The following MMRN1 variants were observed in gnomAD, a reference collection of about 807,000 sequenced individuals.
The protein encoded by MMRN1 is multimerin-1.
In MMRN1, 94 loss-of-function variants were observed where a neutral mutation model predicts 100.7. That is an observed-to-expected ratio of 0.93 (90% CI 0.79 to 1.11). MMRN1 has a LOEUF of 1.11. Among genes scored for constraint, MMRN1 ranks in the 50% least tolerant of loss-of-function variants. MMRN1 has a pLI of 0.00. For missense variants in MMRN1, 1,606 were observed against 1,439.1 expected, an observed-to-expected ratio of 1.12 and a Z score of -1.88; for synonymous variants, 575 against 505.0, an observed-to-expected ratio of 1.14 and a Z score of -1.86.
At chr4:89,897,533 A>G (rs1721247878) in intron 1 of MMRN1, among the ~76,000 whole-genome samples, 1 of 152,164 alleles carries the variant, frequency 6.6e-6, no homozygotes. Context: ...AAAGGGAAAT[A>G]TAATAAACAG....
At chr4:89,906,866 T>C (rs890668828) in intron 1 of MMRN1, among the ~76,000 whole-genome samples, 1 of 151,394 alleles carries the variant, frequency 6.6e-6, no homozygotes, top group Non-Finnish European at 1.5e-5. Context: ...TCAACTATTT[T>C]AGTCATGAGA....
At position 89,936,043 on chromosome 4, in the gene MMRN1, C is replaced by T; in HGVS notation, c.2363C>T (p.Thr788Ile). 1 of 1,612,322 alleles carries T rather than the reference C, an allele frequency of 6.2e-7. No individual in the cohort carries two copies. Among genetic ancestry groups the T allele is most frequent in the Non-Finnish European group, 8.5e-7 (1 of 1,179,358 alleles). ...CACCGTCTGAATGATTCTATTCAGACTTTGGTCAATGACAATCAGAGATAT... is the reference window on the plus strand; with the variant it reads ...CACCGTCTGAATGATTCTATTCAGATTTTGGTCAATGACAATCAGAGATAT... ...QFHRLNDSIQ[T>I]LVNDNQRYNF... The change falls in exon 6 of 8, where the codon ACT becomes ATT. Residue 788 changes from threonine to isoleucine, a missense_variant. Transcript: ENST00000264790.
Position 89,909,298 on chromosome 4 carries a change from A to G in MMRN1, c.646A>G (p.Thr216Ala). Residue 216 changes from threonine to alanine, a missense_variant, in exon 2 of 8, where the codon ACC (threonine) becomes GCC (alanine). Transcript: ENST00000264790. ...RGKNWCAYVH[T>A]RLSPTVILDN... Reference sequence around the variant, plus strand: ...TAGGAATTGGTGTGCTTATGTACATACCAGGTTATCTCCCACAGTGATATT... The same window carrying G: ...TAGGAATTGGTGTGCTTATGTACATGCCAGGTTATCTCCCACAGTGATATT... 6 of 1,609,780 alleles carry G rather than the reference A, an allele frequency of 3.7e-6. No homozygotes were observed. Among genetic ancestry groups the G allele is most frequent in the Non-Finnish European group, 5.1e-6 (6 of 1,177,228 alleles).
At chr4:89,892,698 C>T (rs749813217), upstream of MMRN1, among the ~76,000 whole-genome samples, 1 of 151,756 alleles carries the variant, frequency 6.6e-6, no homozygotes, top group Non-Finnish European at 1.5e-5. Context: ...TAGGGGTGAG[C>T]AAAAGTCATT....
rs540515039 is a variant in MMRN1 at position 89,936,455 on chromosome 4, C to A, written c.2775C>A (p.His925Gln). The change falls in exon 6 of 8, where the codon CAC becomes CAA. Residue 925 changes from histidine to glutamine, a missense_variant. Coordinates refer to ENST00000264790, the MANE Select transcript of MMRN1 (RefSeq NM_007351.3). Reference protein sequence around the residue: ...INFFSLNKTLHEVLTMCHNAS... With the variant: ...INFFSLNKTLQEVLTMCHNAS... ...TCTTTTCGCTTAACAAAACTCTCCACGAAGTTTTAACAATGTGTCACAATG... is the reference window on the plus strand; with the variant it reads ...TCTTTTCGCTTAACAAAACTCTCCAAGAAGTTTTAACAATGTGTCACAATG... 3 of 1,612,490 alleles carry A rather than the reference C, an allele frequency of 1.9e-6. No homozygotes were observed. The African/African-American group carries it at 4.0e-5, about 22-fold the overall frequency.
rs1257995703 is a variant in MMRN1, at chr4:89,909,301, A to G, written c.649A>G (p.Arg217Gly). 1.2e-6 allele frequency: 2 copies of G among 1,609,828 alleles called. No individual in the cohort carries two copies. The highest frequency in any genetic ancestry group is 3.4e-5 in the Admixed American group (2 of 59,698). ...GKNWCAYVHTRLSPTVILDNQ... is the reference protein window; with the variant it reads ...GKNWCAYVHTGLSPTVILDNQ... Reference sequence around the variant, plus strand: ...GAATTGGTGTGCTTATGTACATACCAGGTTATCTCCCACAGTGATATTGGA... The same window carrying G: ...GAATTGGTGTGCTTATGTACATACCGGGTTATCTCCCACAGTGATATTGGA... The change falls in exon 2 of 8, where the codon AGG becomes GGG. Residue 217 changes from arginine (R) to glycine (G), a missense_variant. Arg to Gly is a moderately radical substitution (Grantham distance 125). Transcript: ENST00000264790.
chr4:89,922,991 A>G (rs1173629984), intron 3 of MMRN1, among the ~76,000 whole-genome samples, 177 bp from the exon 4 acceptor site: 1 of 152,086 alleles, frequency 6.6e-6, no homozygotes, highest in East Asian at 1.9e-4. Context: ...TCCCACTCCA[A>G]TGTGGTGTTG....
rs775847528 is a variant in MMRN1 at position 89,953,046 on chromosome 4, A to G, written c.3315A>G (p.Ala1105=). The G allele has an allele frequency of 6.2e-7, 1 of 1,609,700 alleles. No individual in the cohort carries two copies. The highest frequency in any genetic ancestry group is 8.5e-7 in the Non-Finnish European group (1 of 1,178,366). Reference sequence around the variant, plus strand: ...ATGCACCCATGGTGGCATTTTTTGCATCTCATACGTATGGAATGACTATAC... The same window carrying G: ...ATGCACCCATGGTGGCATTTTTTGCGTCTCATACGTATGGAATGACTATAC... The part of the protein sequence containing the change: ...YRYAPMVAFF[A]SHTYGMTIPG... The change falls in exon 8 of 8, where the codon GCA becomes GCG. Residue 1105 remains alanine, a synonymous_variant. Transcript: ENST00000264790.
rs1161722981 is a variant in MMRN1 at position 89,902,380 on chromosome 4, A to C, written c.623+6786A>C. 3.9e-5 allele frequency among the ~76,000 whole-genome samples: 6 copies of C among 152,118 alleles called. No homozygotes were observed. In the South Asian group the frequency reaches 1.2e-3, roughly 32 times the overall value. On this transcript the variant is annotated intron_variant, in intron 1 of 7. Coordinates refer to ENST00000264790, the MANE Select transcript of MMRN1 (RefSeq NM_007351.3). ...GAGAAAAAAAACAAATTTATGGAAA[A>C]GGTTATATTAAAGGTTGACTTTAAG... is the stretch of plus-strand genomic sequence containing the variant.
At chr4:89,945,850 A>G (rs1259491006) in intron 6 of MMRN1, among the ~76,000 whole-genome samples, 5 of 152,214 alleles carry the variant, frequency 3.3e-5, no homozygotes, top group Non-Finnish European at 7.4e-5. Context: ...AGAAAACAAT[A>G]TAAGAAACAA....
chr4:89,880,001 C>G (rs947074497), intron 1 of MMRN1, among the ~76,000 whole-genome samples: 3 of 152,162 alleles, frequency 2.0e-5, no homozygotes, highest in Non-Finnish European at 4.4e-5. Flanking sequence ...TACAGATATT[C>G]TGACTGCTCT....
chr4:89,891,704 T>C (rs897566393), upstream of MMRN1, among the ~76,000 whole-genome samples: 3 of 149,766 alleles, frequency 2.0e-5, no homozygotes, highest in Non-Finnish European at 4.4e-5. Context: ...CACCATTAAA[T>C]TGAAAAAGCT....
chr4:89,935,106 A>G lies in MMRN1; in HGVS notation c.1426A>G (p.Lys476Glu), dbSNP rs1560594160. ...VRQEMTLTCE[K>E]PIKELEVKQT... is the part of the protein sequence containing the mutation. ...GCAAGAAATGACTCTTACATGTGAGAAGCCTATTAAAGAACTAGAAGTAAA... is the reference window on the plus strand; with the variant it reads ...GCAAGAAATGACTCTTACATGTGAGGAGCCTATTAAAGAACTAGAAGTAAA... Residue 476 changes from lysine to glutamate, a missense_variant, in exon 6 of 8, where the codon AAG becomes GAG. Coordinates refer to ENST00000264790, the MANE Select transcript of MMRN1 (RefSeq NM_007351.3). 1 of 1,613,680 alleles carries G rather than the reference A, an allele frequency of 6.2e-7. No individual in the cohort carries two copies. The highest frequency in any genetic ancestry group is 8.5e-7 in the Non-Finnish European group (1 of 1,179,740).
chr4:89,943,267 A>T (rs1722888979), intron 6 of MMRN1, among the ~76,000 whole-genome samples: 1 of 152,210 alleles, frequency 6.6e-6, no homozygotes, highest in Admixed American at 6.5e-5. Context: ...AGACATCAAC[A>T]CTACCTTTTA....
intron 4 of MMRN1, among the ~76,000 whole-genome samples, chr4:89,924,739 G>T (rs1336154978): frequency 6.6e-6 from 1 of 152,110 alleles, no homozygotes; most frequent in Non-Finnish European, 1.5e-5. Context: ...AGCTACTTGG[G>T]AGGCTGAGGC....
chr4:89,940,728 C>G (rs192284602), intron 6 of MMRN1, among the ~76,000 whole-genome samples: 1 of 152,106 alleles, frequency 6.6e-6, no homozygotes, highest in Non-Finnish European at 1.5e-5. Context: ...AGAATATAAT[C>G]TGCAGATAGT....
intron 1 of MMRN1, among the ~76,000 whole-genome samples, chr4:89,883,110 G>A (rs1720856525): frequency 6.6e-6 from 1 of 151,878 alleles, no homozygotes; most frequent in African/African-American, 2.4e-5. Context: ...GCTTTTCATT[G>A]CAGAATATTA....
Position 89,935,036 on chromosome 4 carries a change from T to C in MMRN1, c.1356T>C (p.Thr452=). 6.2e-7 allele frequency: 1 copy of C among 1,613,484 alleles called. No homozygotes were observed. The stretch of plus-strand genomic sequence containing the variant: ...TTTTGGTGCAAGAGAATCGGCCCAC[T>C]TTGACTGATATAGTGGAACTAAGGA... ...KFVLVQENRP[T]LTDIVELRNH... is the part of the protein sequence containing the mutation. Residue 452 remains threonine (T), a synonymous_variant, in exon 6 of 8, where the codon ACT becomes ACC. Transcript: ENST00000264790.
At position 89,935,187 on chromosome 4, in the gene MMRN1, T is replaced by C; in HGVS notation, c.1507T>C (p.Tyr503His). The change falls in exon 6 of 8, where the codon TAT (tyrosine) becomes CAT (histidine). Residue 503 changes from tyrosine (Y) to histidine (H), a missense_variant. Tyr to His is a moderately conservative substitution (Grantham distance 83, BLOSUM62 2). Coordinates refer to ENST00000264790, the MANE Select transcript of MMRN1 (RefSeq NM_007351.3). ...GGAACACTCAAGAAGCATTCTGTATTATGAATCCCTCAATAAAACTCTTTC... is the reference window on the plus strand; with the variant it reads ...GGAACACTCAAGAAGCATTCTGTATCATGAATCCCTCAATAAAACTCTTTC... ...EQEHSRSILY[Y>H]ESLNKTLSKL... 3 of 1,613,406 alleles carry C rather than the reference T, an allele frequency of 1.9e-6. No homozygotes were observed. The highest frequency in any genetic ancestry group is 2.5e-6 in the Non-Finnish European group (3 of 1,179,688).
Sources: gnomAD v4.1 joint callset for allele counts (sites outside exome capture counted in the v4.1 genomes callset) on GRCh38, gnomAD v4.1.1 for gene constraint, MANE v1.5 for transcripts, NCBI Gene and HGNC (gene_info 2026-07-23, HGNC 2026-07-21) for gene names.